The following KCNQ5 variants were observed in gnomAD, a reference collection of about 807,000 sequenced individuals.
KCNQ5 encodes potassium voltage-gated channel subfamily KQT member 5.
A neutral mutation model predicts 98.2 loss-of-function variants in KCNQ5; 30 were observed. That is an observed-to-expected ratio of 0.31 (90% CI 0.23 to 0.41). KCNQ5 has a LOEUF of 0.41. Among genes scored for constraint, KCNQ5 ranks in the 10% least tolerant of loss-of-function variants. The pLI, the probability that KCNQ5 is intolerant of heterozygous loss-of-function variation, is 1.00. For missense variants in KCNQ5, 835 were observed against 1,182.5 expected, an observed-to-expected ratio of 0.71 and a Z score of 4.31; for synonymous variants, 458 against 449.4, an observed-to-expected ratio of 1.02 and a Z score of -0.24.
rs1412582996 is a variant in KCNQ5, at chr6:72,949,526, G to A, written c.399-54382G>A. Among the ~76,000 whole-genome samples, 4 of 152,154 alleles carry A rather than the reference G, an allele frequency of 2.6e-5. No individual in the cohort carries two copies. In the South Asian group the frequency reaches 6.2e-4, roughly 24 times the overall value. ...ATTTTTCTGAGCTTATACTCCATAT[G>A]CATATTGTAGTGCCAATATTATAAA... is the stretch of plus-strand genomic sequence containing the variant. On this transcript the variant is annotated intron_variant, in intron 1 of 13. Coordinates refer to ENST00000370398, the MANE Select transcript of KCNQ5 (RefSeq NM_019842.4).
chr6:72,987,089 G>A (rs1768816640), intron 1 of KCNQ5: 4 of 674,968 alleles, frequency 5.9e-6, no homozygotes, highest in Non-Finnish European at 1.1e-5. Flanking sequence ...GTAAAACGAA[G>A]CCAAAGTTGA....
intron 1 of KCNQ5, among the ~76,000 whole-genome samples, chr6:72,645,068 T>C (rs778754692): frequency 2.1e-4 from 32 of 152,058 alleles, no homozygotes; most frequent in Non-Finnish European, 4.0e-4. Flanking sequence ...CTTTTGTCTG[T>C]CAAATACTCT....
At chr6:72,820,709 A>G (rs761714098) in intron 1 of KCNQ5, among the ~76,000 whole-genome samples, 8 of 152,148 alleles carry the variant, frequency 5.3e-5, no homozygotes, top group Non-Finnish European at 8.8e-5. Flanking sequence ...ACAGACTCAC[A>G]GAAAAAGACA....
chr6:73,057,373 T>G (rs10943077), intron 3 of KCNQ5, among the ~76,000 whole-genome samples: 99,363 of 149,126 alleles, frequency 0.67, 38,641 homozygotes, highest in Non-Finnish European at 0.87. Flanking sequence ...GAGATATACC[T>G]AATGTAAATG....
chr6:72,715,632 A>G (rs1013408342), intron 1 of KCNQ5, among the ~76,000 whole-genome samples: 3 of 152,206 alleles, frequency 2.0e-5, no homozygotes, highest in Admixed American at 6.6e-5. Context: ...AAAGATGGAC[A>G]TGTAATTTAC....
At chr6:73,122,943 AG>A (rs1262836938) in intron 8 of KCNQ5, among the ~76,000 whole-genome samples, 2 of 152,230 alleles carry the variant, frequency 1.3e-5, no homozygotes, top group African/African-American at 4.8e-5. Flanking sequence ...AGAGTGTTGT[AG>A]TAAGAAACAG....
intron 1 of KCNQ5, among the ~76,000 whole-genome samples, chr6:72,784,636 T>C (rs370692339): frequency 6.6e-6 from 1 of 152,302 alleles, no homozygotes; most frequent in African/African-American, 2.4e-5. Context: ...CATCCTCATG[T>C]TCGTCCTCTC....
At chr6:73,140,044 C>A (rs889588367) in intron 10 of KCNQ5, among the ~76,000 whole-genome samples, 12 of 152,158 alleles carry the variant, frequency 7.9e-5, no homozygotes, top group African/African-American at 2.9e-4. Context: ...TCTACCACAA[C>A]CCTTGTTTGA....
At chr6:72,766,068 G>A (rs1772553143) in intron 1 of KCNQ5, among the ~76,000 whole-genome samples, 3 of 152,024 alleles carry the variant, frequency 2.0e-5, no homozygotes, top group African/African-American at 7.2e-5. Context: ...GACAATCAAG[G>A]GGAATTAAGA....
intron 1 of KCNQ5, among the ~76,000 whole-genome samples, chr6:72,806,495 T>A (rs1464577696): frequency 6.6e-6 from 1 of 151,972 alleles, no homozygotes; most frequent in Non-Finnish European, 1.5e-5. Context: ...GTGCTTAGGG[T>A]CAGTTCAACA....
At chr6:72,979,627 G>T (rs1370312231) in intron 1 of KCNQ5, among the ~76,000 whole-genome samples, 1 of 152,134 alleles carries the variant, frequency 6.6e-6, no homozygotes, top group African/African-American at 2.4e-5. Flanking sequence ...TCTGTAGGTT[G>T]CCTGTTCACT....
intron 1 of KCNQ5, among the ~76,000 whole-genome samples, chr6:72,872,647 C>T (rs756997700): frequency 2.0e-5 from 3 of 152,028 alleles, no homozygotes; most frequent in Non-Finnish European, 2.9e-5. Context: ...ATTCTTAGAG[C>T]CAGGATTTGA....
At chr6:72,995,797 G>A (rs1769270207) in intron 1 of KCNQ5, among the ~76,000 whole-genome samples, 1 of 152,154 alleles carries the variant, frequency 6.6e-6, no homozygotes, top group Non-Finnish European at 1.5e-5. Flanking sequence ...AAATCCAAGT[G>A]AGCAAAATCT....
At chr6:72,734,322 T>C (rs1371033239) in intron 1 of KCNQ5, among the ~76,000 whole-genome samples, 4 of 66,894 alleles carry the variant, frequency 6.0e-5, no homozygotes, top group Non-Finnish European at 9.1e-5. Context: ...TTTTGTTTGT[T>C]TGTTTGTTTG....
intron 1 of KCNQ5, among the ~76,000 whole-genome samples, chr6:72,680,874 G>A (rs1203426151): frequency 6.6e-6 from 1 of 152,126 alleles, no homozygotes; most frequent in Non-Finnish European, 1.5e-5. Context: ...AACCCAAAAG[G>A]AAACATAAAT....
chr6:72,728,551 C>A (rs969515261), intron 1 of KCNQ5, among the ~76,000 whole-genome samples: 8 of 152,138 alleles, frequency 5.3e-5, no homozygotes, highest in African/African-American at 1.7e-4. Context: ...CAATGAGAGG[C>A]ACACAGCAGT....
At chr6:73,157,343 G>A (rs1321235676) in intron 10 of KCNQ5, among the ~76,000 whole-genome samples, 1 of 152,144 alleles carries the variant, frequency 6.6e-6, no homozygotes, top group African/African-American at 2.4e-5. Flanking sequence ...AGGAAGAGGA[G>A]GAAGGGGAAA....
chr6:73,190,520 T>C (rs1765553943), intron 11 of KCNQ5, 53 bp from the exon 12 acceptor site: 5 of 937,076 alleles, frequency 5.3e-6, no homozygotes, highest in Non-Finnish European at 7.3e-6. Context: ...ACTATTTTGG[T>C]AACTTATATT....
At position 72,884,168 on chromosome 6, in the gene KCNQ5, A is replaced by C. The variant is rs965201802; in HGVS notation, c.399-119740A>C. Among the ~76,000 whole-genome samples the C allele has an allele frequency of 2.0e-5, 3 of 152,352 alleles. No individual in the cohort carries two copies. The East Asian group carries it at 5.8e-4, about 29-fold the overall frequency. On this transcript the variant is annotated intron_variant, in intron 1 of 13. Transcript: ENST00000370398. ...TTATTTGACCAAAAAATTTTACATCATGATTAGAATGATGTTCTTGCCTGA... is the reference window on the plus strand; with the variant it reads ...TTATTTGACCAAAAAATTTTACATCCTGATTAGAATGATGTTCTTGCCTGA...
Sources: allele counts gnomAD v4.1 joint callset (sites outside exome capture counted in the v4.1 genomes callset), GRCh38; gene constraint gnomAD v4.1.1; transcripts MANE v1.5; gene names NCBI Gene and HGNC (gene_info 2026-07-23, HGNC 2026-07-21).